Variants in DSC3 observed in about 807,000 individuals in gnomAD.
The protein encoded by DSC3 is desmocollin 3.
DSC3 carries 97 observed loss-of-function variants against 89.5 expected under a neutral mutation model. The observed-to-expected ratio is 1.08, with a 90% CI of 0.92 to 1.28. The LOEUF is 1.28. Among genes scored for constraint, DSC3 ranks in the 50% most tolerant of loss-of-function variants. DSC3 has a pLI of 0.00. For synonymous variants in DSC3, 436 were observed against 384.1 expected, an observed-to-expected ratio of 1.14 and a Z score of -1.58; for missense variants, 1,199 against 1,085.3, an observed-to-expected ratio of 1.10 and a Z score of -1.47.
Position 31,029,496 on chromosome 18 carries a change from G to A in DSC3, c.474+13C>T. ...AATTAAAGCAACCCTGACCAGAAAA[G>A]GTGTAAACCTACTTGTTGAAGAAAC... On this transcript the variant is annotated intron_variant, in intron 4 of 15. Transcript: ENST00000360428. 3 of 1,613,552 alleles carry A rather than the reference G, an allele frequency of 1.9e-6. No homozygotes were observed. The highest frequency in any genetic ancestry group is 1.7e-6 in the Non-Finnish European group (2 of 1,179,542).
At chr18:31,011,425 T>C (rs942758190) in intron 9 of DSC3, among the ~76,000 whole-genome samples, 1 of 152,198 alleles carries the variant, frequency 6.6e-6, no homozygotes, top group African/African-American at 2.4e-5. Context: ...AATTCTTGGT[T>C]TGGCCTACTG....
At chr18:31,041,651 C>A (rs1986134959) in intron 1 of DSC3, among the ~76,000 whole-genome samples, 1 of 152,210 alleles carries the variant, frequency 6.6e-6, no homozygotes, top group South Asian at 2.1e-4. Flanking sequence ...GAATGAAACT[C>A]TGTTGAAGCC....
intron 4 of DSC3, among the ~76,000 whole-genome samples, chr18:31,027,991 C>T (rs1462014651): frequency 6.6e-6 from 1 of 152,026 alleles, no homozygotes; most frequent in Admixed American, 6.6e-5. Context: ...AAATAACAAG[C>T]ATTTTATTTC....
chr18:31,021,057 T>G (rs80234480), intron 7 of DSC3, among the ~76,000 whole-genome samples: 2 of 106,500 alleles, frequency 1.9e-5, no homozygotes, highest in African/African-American at 9.0e-5. Context: ...AAATTCACTG[T>G]TTTTTTTTTT....
chr18:31,016,903 A>G (rs1390728632), intron 9 of DSC3, among the ~76,000 whole-genome samples: 2 of 152,008 alleles, frequency 1.3e-5, no homozygotes, highest in African/African-American at 2.4e-5. Flanking sequence ...TCCCTATCTT[A>G]TTTTCCCATT....
Position 31,001,637 on chromosome 18 carries a change from G to T in DSC3, c.2216C>A (p.Ala739Glu). Residue 739 changes from alanine (A) to glutamate (E), a missense_variant, in exon 14 of 16, where the codon GCA becomes GAA. Ala to Glu is a moderately radical substitution (Grantham distance 107). Transcript: ENST00000360428. The part of the protein sequence containing the change: ...QQNLIISNTE[A>E]PGDDRVCSAN... ...ACTTACCACTCTATCGTCTCCAGGT[G>T]CTTCTGTGTTTGATATAATTAAGTT... The T allele has an allele frequency of 6.2e-7, 1 of 1,610,558 alleles. No homozygotes were observed. The highest frequency in any genetic ancestry group is 1.1e-5 in the South Asian group (1 of 90,458).
At chr18:31,008,665 G>T (rs1010021080) in intron 9 of DSC3, 140 bp from the exon 10 acceptor site, 1 of 1,137,092 alleles carries the variant, frequency 8.8e-7, no homozygotes, top group Non-Finnish European at 1.3e-6. Flanking sequence ...TTTATCCCTT[G>T]CTAAACAGAG....
At position 30,990,960 on chromosome 18, in the gene DSC3, C is replaced by T. The variant is rs1202793993; in HGVS notation, c.*3215G>A. On this transcript the variant is annotated 3_prime_UTR_variant, in exon 16 of 16. Coordinates refer to ENST00000360428, the MANE Select transcript of DSC3 (RefSeq NM_001941.5). ...TTGTCCAAAATATTCCCCATTAATACAACAAAGACATAATTATTTCTATTT... is the reference window on the plus strand; with the variant it reads ...TTGTCCAAAATATTCCCCATTAATATAACAAAGACATAATTATTTCTATTT... 8.3e-6 allele frequency: 1 copy of T among 120,246 alleles called. No homozygotes were observed. The highest frequency in any genetic ancestry group is 1.7e-5 in the Non-Finnish European group (1 of 58,704). 7.4% of individuals were successfully genotyped at this position (120,246 alleles called of 1,614,324 possible). A position where few individuals can be genotyped will look rare whatever the true frequency, so the allele number is the denominator to read the frequency against.
chr18:31,031,368 T>C (rs998533133), intron 2 of DSC3, among the ~76,000 whole-genome samples, 196 bp from the exon 3 acceptor site: 1 of 152,226 alleles, frequency 6.6e-6, no homozygotes, highest in Non-Finnish European at 1.5e-5. Context: ...CAAATAATTA[T>C]TGAGTGTATA....
intron 14 of DSC3, among the ~76,000 whole-genome samples, chr18:31,000,837 G>A (rs8085060): frequency 0.43 from 65,374 of 151,330 alleles, 15,755 homozygotes; most frequent in East Asian, 0.75. Context: ...TATCATAGGT[G>A]TTTTTGAACT....
At chr18:31,011,554 A>G (rs774244221) in intron 9 of DSC3, among the ~76,000 whole-genome samples, 1 of 152,344 alleles carries the variant, frequency 6.6e-6, no homozygotes, top group African/African-American at 2.4e-5. Flanking sequence ...TAGAGTTAAC[A>G]ACATAGTGAT....
At chr18:31,022,284 G>A in intron 7 of DSC3, 52 bp downstream of exon 7, 2 of 1,603,462 alleles carry the variant, frequency 1.2e-6, no homozygotes, top group Non-Finnish European at 1.7e-6. Context: ...ATAAATGGGG[G>A]AGGGAAGCTT....
chr18:30,992,425 C>CATGA lies in DSC3; in HGVS notation c.*1749_*1750insTCAT, dbSNP rs1423084576. ...ACTCATCATGCAGTCAGCTCTGTCTCCTTGATTTCTCACTCCAAATAAGGT... is the reference window on the plus strand; with the variant it reads ...ACTCATCATGCAGTCAGCTCTGTCTCATGACTTGATTTCTCACTCCAAATAAGGT... On this transcript the variant is annotated 3_prime_UTR_variant, in exon 16 of 16. Coordinates refer to ENST00000360428, the MANE Select transcript of DSC3 (RefSeq NM_001941.5). The CATGA allele has an allele frequency of 6.6e-6, 1 of 152,222 alleles. No homozygotes were observed. Among genetic ancestry groups the CATGA allele is most frequent in the Admixed American group, 6.5e-5 (1 of 15,282 alleles). 9.4% of individuals were successfully genotyped at this position (152,222 alleles called of 1,614,324 possible). A position where few individuals can be genotyped will look rare whatever the true frequency, so the allele number is the denominator to read the frequency against.
At chr18:31,003,375 C>T (rs894555995) in intron 13 of DSC3, among the ~76,000 whole-genome samples, 1 of 152,152 alleles carries the variant, frequency 6.6e-6, no homozygotes, top group Non-Finnish European at 1.5e-5. Flanking sequence ...CAGTTTCCTG[C>T]CTACAGTAGG....
chr18:31,021,546 T>C (rs2144715066), intron 7 of DSC3, among the ~76,000 whole-genome samples: 1 of 152,348 alleles, frequency 6.6e-6, no homozygotes, highest in Non-Finnish European at 1.5e-5. Context: ...ATATATTTTC[T>C]AGTCATATTG....
chr18:31,009,944 A>T (rs1347266619), intron 9 of DSC3, among the ~76,000 whole-genome samples: 1 of 152,248 alleles, frequency 6.6e-6, no homozygotes. Flanking sequence ...TCTTTGACTA[A>T]AATTCAGTTT....
At chr18:31,026,802 T>A (rs276945) in intron 4 of DSC3, among the ~76,000 whole-genome samples, 70,591 of 151,596 alleles carry the variant, frequency 0.47, 17,013 homozygotes, top group East Asian at 0.88. Flanking sequence ...AGCCACATGC[T>A]AAGGTCAGGA....
At chr18:31,004,783 G>A (rs1279454137) in intron 12 of DSC3, among the ~76,000 whole-genome samples, 1 of 152,100 alleles carries the variant, frequency 6.6e-6, no homozygotes, top group African/African-American at 2.4e-5. Context: ...ATATGGATAA[G>A]GTAATTTTTC....
chr18:31,000,340 C>T (rs1023675759), intron 14 of DSC3, among the ~76,000 whole-genome samples: 3 of 152,104 alleles, frequency 2.0e-5, no homozygotes, highest in African/African-American at 7.2e-5. Flanking sequence ...TAACAATTAC[C>T]ATCATCCTGG....
Sources: allele counts gnomAD v4.1 joint callset (sites outside exome capture counted in the v4.1 genomes callset), GRCh38; gene constraint gnomAD v4.1.1; transcripts MANE v1.5; gene names NCBI Gene and HGNC (gene_info 2026-07-23, HGNC 2026-07-21).